ADGRV1: variants seen among roughly 807,000 people sequenced by gnomAD.
ADGRV1 encodes adhesion G protein-coupled receptor V1, also known as G-protein coupled receptor 98.
In ADGRV1, 359 loss-of-function variants were observed where a neutral mutation model predicts 596.2. That is an observed-to-expected ratio of 0.60 (90% CI 0.55 to 0.66). The LOEUF (loss-of-function observed/expected upper bound fraction) is 0.66. ADGRV1 is among the 30% of genes least tolerant of loss of function. The probability of loss-of-function intolerance (pLI) is 0.00; values close to 1 mark genes in which losing one functional copy is unlikely to be tolerated. For missense variants in ADGRV1, 7,274 were observed against 7,575.6 expected, an observed-to-expected ratio of 0.96 and a Z score of 1.48; for synonymous variants, 2,681 against 2,679.2, an observed-to-expected ratio of 1.00 and a Z score of -0.02.
At chr5:91,152,646 A>ATTTTGTTTTGTTTTGTTTTTGT (rs1796155906) in intron 88 of ADGRV1, among the ~76,000 whole-genome samples, 1 of 152,058 alleles carries the variant, frequency 6.6e-6, no homozygotes. Context: ...AAGTTGTTTT[A>ATTTTGTTTTGTTTTGTTTTTGT]TTTTGTTTTG....
At position 90,910,609 on chromosome 5, in the gene ADGRV1, G is replaced by A. The variant is rs888334059; in HGVS notation, c.17856+46752G>A. Among the ~76,000 whole-genome samples, 11 of 145,348 alleles carry A rather than the reference G, an allele frequency of 7.6e-5. No individual in the cohort carries two copies. In the South Asian group the frequency reaches 1.3e-3, roughly 18 times the overall value. Reference sequence around the variant, plus strand: ...TATCTATCTATCTATCTATACACCCGCACACACCTGTATGTATTTAATTTT... The same window carrying A: ...TATCTATCTATCTATCTATACACCCACACACACCTGTATGTATTTAATTTT... On this transcript the variant is annotated intron_variant, in intron 83 of 89. Transcript: ENST00000405460.
At chr5:90,628,877 G>A (rs372103373) in intron 8 of ADGRV1, 45 bp downstream of exon 8, 13 of 1,553,240 alleles carry the variant, frequency 8.4e-6, no homozygotes, top group South Asian at 1.2e-5. Flanking sequence ...TTTCTGTGCT[G>A]TACAAGAACC....
At chr5:90,805,189 G>A (rs547507499) in intron 71 of ADGRV1, 95 bp from the exon 72 acceptor site, 343 of 974,778 alleles carry the variant, frequency 3.5e-4, no homozygotes, top group Non-Finnish European at 4.6e-4. Flanking sequence ...GATATATATT[G>A]TATAAACCAA....
At chr5:90,797,494 A>C (rs1489128626) in intron 70 of ADGRV1, among the ~76,000 whole-genome samples, 1 of 152,128 alleles carries the variant, frequency 6.6e-6, no homozygotes, top group Non-Finnish European at 1.5e-5. Context: ...TTAGAGACCT[A>C]CAAAGAGACT....
intron 1 of ADGRV1, among the ~76,000 whole-genome samples, chr5:90,600,648 A>G (rs181316418): frequency 7.2e-5 from 11 of 152,346 alleles, no homozygotes; most frequent in Non-Finnish European, 1.3e-4. Flanking sequence ...GGCACGATTT[A>G]TAATCCTTTG....
intron 31 of ADGRV1, 139 bp from the exon 32 acceptor site, chr5:90,692,465 GA>G: frequency 1.6e-6 from 1 of 624,588 alleles, no homozygotes; most frequent in Non-Finnish European, 2.7e-6. Flanking sequence ...TGTAATTGGG[GA>G]GTTCTTTTAG....
At position 91,082,200 on chromosome 5, in the gene ADGRV1, T is replaced by C. The variant is rs1173522811; in HGVS notation, c.18310+9596T>C. Reference sequence around the variant, plus strand: ...TGCATATCACTGCCATGCCATACCATGTTTGACCCAGAGAATTAATGAAAC... The same window carrying C: ...TGCATATCACTGCCATGCCATACCACGTTTGACCCAGAGAATTAATGAAAC... On this transcript the variant is annotated intron_variant, in intron 86 of 89. Coordinates refer to ENST00000405460, the MANE Select transcript of ADGRV1 (RefSeq NM_032119.4). 2.6e-5 allele frequency among the ~76,000 whole-genome samples: 4 copies of C among 152,246 alleles called. No homozygotes were observed. In the East Asian group the frequency reaches 7.7e-4, roughly 29 times the overall value.
intron 89 of ADGRV1, among the ~76,000 whole-genome samples, chr5:91,156,649 T>A (rs1466351632): frequency 6.6e-6 from 1 of 152,228 alleles, no homozygotes; most frequent in Admixed American, 6.5e-5. Flanking sequence ...AATGTCTTCC[T>A]TACTTATAGA....
At chr5:91,002,274 C>T (rs1246532490) in intron 85 of ADGRV1, among the ~76,000 whole-genome samples, 2 of 152,054 alleles carry the variant, frequency 1.3e-5, no homozygotes, top group East Asian at 1.9e-4. Flanking sequence ...GAATCAGAGA[C>T]GTCAAAGTAT....
intron 85 of ADGRV1, among the ~76,000 whole-genome samples, chr5:91,024,514 T>C (rs1783872570): frequency 6.6e-6 from 1 of 152,148 alleles, no homozygotes; most frequent in South Asian, 2.1e-4. Context: ...CAGTGCTTAG[T>C]TGCACACACA....
chr5:91,078,641 G>A lies in ADGRV1; in HGVS notation c.18310+6037G>A, dbSNP rs553940775. Among the ~76,000 whole-genome samples, 9 of 152,314 alleles carry A rather than the reference G, an allele frequency of 5.9e-5. No homozygotes were observed. In the East Asian group the frequency reaches 1.3e-3, roughly 23 times the overall value. Reference sequence around the variant, plus strand: ...CAATTACCCAGAGACCACCACGGTGGTAGAAACCCCACGCTGGCCATGTGC... The same window carrying A: ...CAATTACCCAGAGACCACCACGGTGATAGAAACCCCACGCTGGCCATGTGC... On this transcript the variant is annotated intron_variant, in intron 86 of 89. Transcript: ENST00000405460.
chr5:90,896,097 G>A (rs936980307), intron 83 of ADGRV1, among the ~76,000 whole-genome samples: 2 of 151,752 alleles, frequency 1.3e-5, no homozygotes, highest in Admixed American at 6.6e-5. Context: ...TTGTTGGATT[G>A]TGTCATTGTT....
chr5:91,026,612 C>A (rs1277454135), intron 85 of ADGRV1, among the ~76,000 whole-genome samples: 1 of 152,172 alleles, frequency 6.6e-6, no homozygotes, highest in Middle Eastern at 3.4e-3. Flanking sequence ...CTTCATGACA[C>A]TTTGAACATG....
In ADGRV1 at chr5:90,618,079, A is replaced by G. The variant is rs113604343; in HGVS notation, c.357+126A>G. ...ATTCAGATAACTGGTGGTGGTATTCATAGAATCCAGAACTGACAACCTCTT... is the reference window on the plus strand; with the variant it reads ...ATTCAGATAACTGGTGGTGGTATTCGTAGAATCCAGAACTGACAACCTCTT... On this transcript the variant is annotated intron_variant, in intron 3 of 89. Transcript: ENST00000405460. 44 of 643,078 alleles carry G rather than the reference A, an allele frequency of 6.8e-5. No individual in the cohort carries two copies. The African/African-American group carries it at 7.2e-4, about 11-fold the overall frequency. 39.8% of individuals were successfully genotyped at this position (643,078 alleles called of 1,614,324 possible). A position where few individuals can be genotyped will look rare whatever the true frequency, so the allele number is the denominator to read the frequency against.
intron 87 of ADGRV1, among the ~76,000 whole-genome samples, chr5:91,143,635 G>T (rs1427745180): frequency 6.6e-6 from 1 of 152,190 alleles, no homozygotes; most frequent in Non-Finnish European, 1.5e-5. Context: ...CATGCTGATT[G>T]GTTCATGGGT....
In ADGRV1 at chr5:91,006,047, A is replaced by G. The variant is rs528615414; in HGVS notation, c.18152+20525A>G. Among the ~76,000 whole-genome samples the G allele has an allele frequency of 5.1e-4, 78 of 152,252 alleles. 1 individual carries two copies. The highest frequency in any genetic ancestry group is 1.8e-3 in the African/African-American group (75 of 41,550). ...CATGCCTGCTAAGCCCTGAGTCTGTATTTTTCAAACTAGAATACTTGTAGA... is the reference window on the plus strand; with the variant it reads ...CATGCCTGCTAAGCCCTGAGTCTGTGTTTTTCAAACTAGAATACTTGTAGA... On this transcript the variant is annotated intron_variant, in intron 85 of 89. Transcript: ENST00000405460.
intron 42 of ADGRV1, among the ~76,000 whole-genome samples, chr5:90,712,735 G>A (rs1182890120): frequency 6.6e-6 from 1 of 151,820 alleles, no homozygotes; most frequent in Non-Finnish European, 1.5e-5. Context: ...ATTTTGTTCT[G>A]GTTTCCTACT....
At chr5:90,829,869 C>T (rs927344992) in intron 77 of ADGRV1, among the ~76,000 whole-genome samples, 4 of 152,228 alleles carry the variant, frequency 2.6e-5, no homozygotes, top group Middle Eastern at 3.4e-3. Context: ...AGGATCATAG[C>T]TGACCCACCT....
Position 90,732,793 on chromosome 5 carries a change from C to T in ADGRV1, c.10549+3029C>T, listed in dbSNP as rs185328936. Among the ~76,000 whole-genome samples, 809 of 152,334 alleles carry T rather than the reference C, an allele frequency of 5.3e-3. 7 individuals are homozygous for T. The highest frequency in any genetic ancestry group is 8.1e-3 in the Non-Finnish European group (549 of 68,026). On this transcript the variant is annotated intron_variant, in intron 50 of 89. Coordinates refer to ENST00000405460, the MANE Select transcript of ADGRV1 (RefSeq NM_032119.4). ...CATTTAGCCTCTGCTAAGTTCTGTA[C>T]ACTCATGAAAGAATGAGAATGAAGT...
Sources: gnomAD v4.1 joint callset for allele counts (sites outside exome capture counted in the v4.1 genomes callset) on GRCh38, gnomAD v4.1.1 for gene constraint, MANE v1.5 for transcripts, NCBI Gene and HGNC (gene_info 2026-07-23, HGNC 2026-07-21) for gene names.